CYFIP1: variants seen among roughly 807,000 people sequenced by gnomAD.
CYFIP1 encodes cytoplasmic FMR1 interacting protein 1, also known as cytoplasmic FMR1-interacting protein 1.
A neutral mutation model predicts 163.5 loss-of-function variants in CYFIP1; 58 were observed. The ratio of observed to expected loss-of-function variants is 0.35; its 90% CI spans 0.29 to 0.44. The LOEUF (loss-of-function observed/expected upper bound fraction) is 0.44, where lower values mean the gene tolerates loss of function less well. CYFIP1 is among the 20% of genes least tolerant of loss of function. The pLI, the probability that CYFIP1 is intolerant of heterozygous loss-of-function variation, is 1.00. For synonymous variants in CYFIP1, 663 were observed against 660.7 expected (o/e 1.00, Z -0.05); for missense variants, 1,338 against 1,653.8 (o/e 0.81, Z 3.31).
At chr15:22,929,158 T>C (rs549481351) in intron 11 of CYFIP1, among the ~76,000 whole-genome samples, 1 of 149,910 alleles carries the variant, frequency 6.7e-6, no homozygotes, top group East Asian at 2.0e-4. Flanking sequence ...AGGCGAAGAT[T>C]GCAGTGAGCC....
intron 26 of CYFIP1, 102 bp from the exon 27 acceptor site, chr15:22,875,373 A>G: frequency 1.1e-6 from 1 of 948,268 alleles, no homozygotes; most frequent in Non-Finnish European, 1.7e-6. Context: ...CATAAAATAA[A>G]CTCTGTAAGT....
intron 1 of CYFIP1, among the ~76,000 whole-genome samples, chr15:22,949,326 C>G (rs11636046): frequency 0.27 from 40,412 of 151,626 alleles, 5,925 homozygotes; most frequent in African/African-American, 0.39. Flanking sequence ...AAGCCTAAAG[C>G]GGGGAGGTGC....
At chr15:22,912,123 G>A (rs2043093783) in intron 18 of CYFIP1, 56 bp downstream of exon 18, 5 of 1,461,570 alleles carry the variant, frequency 3.4e-6, no homozygotes, top group Non-Finnish European at 4.7e-6. Context: ...AAAACAAAAA[G>A]AGAAAGGAGA....
At chr15:22,963,588 T>C (rs1344281301) in intron 1 of CYFIP1, among the ~76,000 whole-genome samples, 1 of 147,728 alleles carries the variant, frequency 6.8e-6, no homozygotes, top group East Asian at 2.1e-4. Context: ...CTGAAAACTT[T>C]TTGTGAACAT....
intron 1 of CYFIP1, among the ~76,000 whole-genome samples, chr15:22,949,515 G>T (rs1420372005): frequency 6.6e-6 from 1 of 152,164 alleles, no homozygotes; most frequent in Non-Finnish European, 1.5e-5. Flanking sequence ...CAGGCTAAGC[G>T]GCGAGGGCGC....
At chr15:22,971,377 A>G (rs1226688408) in intron 1 of CYFIP1, among the ~76,000 whole-genome samples, 2 of 152,062 alleles carry the variant, frequency 1.3e-5, no homozygotes, top group Non-Finnish European at 2.9e-5. Flanking sequence ...TGTCTCTACT[A>G]AAAAATAAAA....
chr15:22,949,886 T>C (rs2062192509), intron 1 of CYFIP1, among the ~76,000 whole-genome samples: 1 of 151,608 alleles, frequency 6.6e-6, no homozygotes, highest in South Asian at 2.1e-4. Flanking sequence ...CCCAGCTACT[T>C]GGGAGGCTGA....
chr15:22,937,253 G>A (rs1158535817), intron 8 of CYFIP1, 45 bp from the exon 9 acceptor site: 1 of 1,152,908 alleles, frequency 8.7e-7, no homozygotes, highest in South Asian at 1.2e-5. Flanking sequence ...TCAGAACTGA[G>A]AATTTCACTA....
chr15:22,942,858 G>A lies in CYFIP1; in HGVS notation c.569+315C>T, dbSNP rs2061936175. 2.6e-5 allele frequency among the ~76,000 whole-genome samples: 4 copies of A among 152,218 alleles called. 1 individual carries two copies. The highest frequency in any genetic ancestry group is 1.3e-4 in the Admixed American group (2 of 15,284). On this transcript the variant is annotated intron_variant, in intron 6 of 30. Coordinates refer to ENST00000617928, the MANE Select transcript of CYFIP1 (RefSeq NM_014608.6). ...GATGCTCCCTGAGCCAGATGCCTGTGCTCTGTGAGCTAGGCCTACATCTTG... is the reference window on the plus strand; with the variant it reads ...GATGCTCCCTGAGCCAGATGCCTGTACTCTGTGAGCTAGGCCTACATCTTG...
At chr15:22,926,780 T>C (rs964205902) in intron 12 of CYFIP1, among the ~76,000 whole-genome samples, 2 of 152,160 alleles carry the variant, frequency 1.3e-5, no homozygotes, top group African/African-American at 4.8e-5. Context: ...AGTCTGATAT[T>C]AGAAATAAGA....
chr15:22,868,700 GCAT>G lies in CYFIP1; in HGVS notation c.*1325_*1327del, dbSNP rs1399426153. On this transcript the variant is annotated 3_prime_UTR_variant, in exon 31 of 31. Coordinates refer to ENST00000617928, the MANE Select transcript of CYFIP1 (RefSeq NM_014608.6). ...TACACTTACTACTTTTCTGTGCCGTGCATCATATGCTTCTGGACAGTTTCCAAA... is the reference window on the plus strand; with the variant it reads ...TACACTTACTACTTTTCTGTGCCGTGCATATGCTTCTGGACAGTTTCCAAA... The G allele has an allele frequency of 2.0e-5, 3 of 152,110 alleles. No homozygotes were observed. The highest frequency in any genetic ancestry group is 7.2e-5 in the African/African-American group (3 of 41,384). The allele number at this position is 152,110 out of a possible 1,614,324, so 9.4% of individuals were successfully genotyped here.
chr15:22,876,061 A>G (rs1241427767), intron 26 of CYFIP1, among the ~76,000 whole-genome samples: 1 of 151,436 alleles, frequency 6.6e-6, no homozygotes, highest in Non-Finnish European at 1.5e-5. Context: ...CACCACCCCC[A>G]CGGAGCAGGC....
At chr15:22,969,908 C>T (rs1266108394) in intron 1 of CYFIP1, among the ~76,000 whole-genome samples, 4 of 152,128 alleles carry the variant, frequency 2.6e-5, no homozygotes, top group African/African-American at 9.7e-5. Flanking sequence ...ACAAAAATTA[C>T]TACAAACATT....
Position 22,898,177 on chromosome 15 carries a change from C to T in CYFIP1, c.2589-5200G>A, listed in dbSNP as rs73410362. ...CGAGTCTGAAAACAGCTGATCCATA[C>T]GTCCTGTCCAGTTTTTCACTTAAGG... On this transcript the variant is annotated intron_variant, in intron 22 of 30. Coordinates refer to ENST00000617928, the MANE Select transcript of CYFIP1 (RefSeq NM_014608.6). Among the ~76,000 whole-genome samples the T allele has an allele frequency of 8.5e-3, 1,300 of 152,290 alleles. 17 individuals carry two copies. The highest frequency in any genetic ancestry group is 0.03 in the African/African-American group (1,248 of 41,544).
At chr15:22,947,358 T>C (rs1235374822) in intron 1 of CYFIP1, 67 bp from the exon 2 acceptor site, 1 of 1,579,088 alleles carries the variant, frequency 6.3e-7, no homozygotes, top group Non-Finnish European at 8.6e-7. Context: ...AGCTTCGAGG[T>C]TGGGTACCCA....
chr15:22,953,892 A>G (rs112769384), intron 1 of CYFIP1, among the ~76,000 whole-genome samples: 10 of 152,050 alleles, frequency 6.6e-5, no homozygotes, highest in Non-Finnish European at 1.5e-4. Flanking sequence ...CGTCTCTATT[A>G]AAAATACAAA....
chr15:22,934,673 T>C (rs1350574055), intron 9 of CYFIP1, among the ~76,000 whole-genome samples: 1 of 149,194 alleles, frequency 6.7e-6, no homozygotes, highest in South Asian at 2.1e-4. Flanking sequence ...AATTTTTTTG[T>C]ATTTTTAGTA....
Position 22,867,151 on chromosome 15 carries a change from T to TTA in CYFIP1, c.*2875_*2876dup, listed in dbSNP as rs1392144383. The stretch of plus-strand genomic sequence containing the variant: ...ACAGTTTTAAGTCTATGAAAATGCT[T>TTA]TATTTTTTCATTGGTGATGAAAGTC... On this transcript the variant is annotated 3_prime_UTR_variant, in exon 31 of 31. Coordinates refer to ENST00000617928, the MANE Select transcript of CYFIP1 (RefSeq NM_014608.6). 4 of 448,080 alleles carry TTA rather than the reference T, an allele frequency of 8.9e-6. No individual in the cohort carries two copies. Among genetic ancestry groups the TTA allele is most frequent in the African/African-American group, 2.0e-5 (1 of 49,044 alleles). 27.8% of individuals were successfully genotyped at this position (448,080 alleles called of 1,614,324 possible). A position where few individuals can be genotyped will look rare whatever the true frequency, so the allele number is the denominator to read the frequency against.
chr15:22,924,881 G>A (rs183330818), intron 13 of CYFIP1, among the ~76,000 whole-genome samples: 12 of 152,110 alleles, frequency 7.9e-5, no homozygotes, highest in East Asian at 1.9e-4. Context: ...AGACGAACCC[G>A]GGCAACTTGG....
Sources: allele counts gnomAD v4.1 joint callset (sites outside exome capture counted in the v4.1 genomes callset), GRCh38; gene constraint gnomAD v4.1.1; transcripts MANE v1.5; gene names NCBI Gene and HGNC (gene_info 2026-07-23, HGNC 2026-07-21).